The following CCDC97 variants were observed in gnomAD, a reference collection of about 807,000 sequenced individuals.
The protein encoded by CCDC97 is coiled-coil domain containing 97.
Under a neutral mutation model 33.9 loss-of-function variants are expected in CCDC97, and 27 were observed. The ratio of observed to expected loss-of-function variants is 0.80; its 90% CI spans 0.59 to 1.10. CCDC97 has a LOEUF of 1.10. Among genes scored for constraint, CCDC97 ranks in the 50% least tolerant of loss-of-function variants. The pLI, the probability that CCDC97 is intolerant of heterozygous loss-of-function variation, is 0.00. For missense variants in CCDC97, 422 were observed against 476.6 expected, an observed-to-expected ratio of 0.89 and a Z score of 1.07; for synonymous variants, 217 against 194.0, an observed-to-expected ratio of 1.12 and a Z score of -0.99.
chr19:41,319,969 C>G lies in CCDC97; in HGVS notation c.781+117C>G, dbSNP rs1312812996. The stretch of plus-strand genomic sequence containing the variant: ...ACCTGCAAAAGCCGACATTGCGTCC[C>G]TCCCCTGCCCAGCCTGACTCTCTGT... On this transcript the variant is annotated intron_variant, in intron 3 of 4. Transcript: ENST00000269967. The G allele has an allele frequency of 4.9e-6, 3 of 617,822 alleles. No homozygotes were observed. The African/African-American group carries it at 5.5e-5, about 11-fold the overall frequency. The allele number at this position is 617,822 out of a possible 1,614,324, so 38.3% of individuals were successfully genotyped here.
In CCDC97 at chr19:41,322,863, A is replaced by C; in HGVS notation, c.*148A>C. The C allele has an allele frequency of 3.5e-4, 287 of 816,696 alleles. No individual in the cohort carries two copies. The highest frequency in any genetic ancestry group is 4.0e-4 in the East Asian group (13 of 32,156). The allele number at this position is 816,696 out of a possible 1,614,324, so 50.6% of individuals were successfully genotyped here. A position where few individuals can be genotyped will look rare whatever the true frequency, so the allele number is the denominator to read the frequency against. On this transcript the variant is annotated 3_prime_UTR_variant, in exon 5 of 5. Coordinates refer to ENST00000269967, the MANE Select transcript of CCDC97 (RefSeq NM_052848.3). ...CCACCATCTCACTGGGTCTAGTCTC[A>C]TCTCAGACAACCCCCACCCCCACTG...
intron 1 of CCDC97, 131 bp from the exon 2 acceptor site, chr19:41,316,253 G>T: frequency 1.5e-6 from 1 of 665,464 alleles, no homozygotes; most frequent in Middle Eastern, 2.6e-4. Flanking sequence ...GCTCACTGTG[G>T]TTTCTCTAGT....
intron 2 of CCDC97, among the ~76,000 whole-genome samples, chr19:41,319,047 A>G: frequency 6.6e-6 from 1 of 152,220 alleles, no homozygotes; most frequent in Non-Finnish European, 1.5e-5. Flanking sequence ...GCTGGGCCTC[A>G]CAGGACATGT....
In CCDC97 at chr19:41,316,238, C is replaced by A. The variant is rs1172473707; in HGVS notation, c.47-146C>A. On this transcript the variant is annotated intron_variant, in intron 1 of 4. Coordinates refer to ENST00000269967, the MANE Select transcript of CCDC97 (RefSeq NM_052848.3). ...TTTGTGTCCCCTACTGAAATGTCAA[C>A]TTTTGCTCACTGTGGTTTCTCTAGT... 10 of 616,476 alleles carry A rather than the reference C, an allele frequency of 1.6e-5. No individual in the cohort carries two copies. The African/African-American group carries it at 1.7e-4, about 10-fold the overall frequency. The allele number at this position is 616,476 out of a possible 1,614,324, so 38.2% of individuals were successfully genotyped here.
intron 4 of CCDC97, among the ~76,000 whole-genome samples, chr19:41,321,989 C>T (rs577872122): frequency 2.6e-5 from 4 of 152,338 alleles, no homozygotes; most frequent in African/African-American, 7.2e-5. Context: ...GTCAAAATGC[C>T]GTGGGGGCAA....
At position 41,320,479 on chromosome 19, in the gene CCDC97, G is replaced by A. The variant is rs573562721; in HGVS notation, c.911+9G>A. The A allele has an allele frequency of 6.2e-6, 10 of 1,613,542 alleles. No homozygotes were observed. The highest frequency in any genetic ancestry group is 8.5e-6 in the Non-Finnish European group (10 of 1,179,824). The stretch of plus-strand genomic sequence containing the variant: ...GGGGACTTTGACTACAGGTGCTCCT[G>A]TGCCTCCACCTCCCCATCCCCCAGC... On this transcript the variant is annotated intron_variant, in intron 4 of 4. Transcript: ENST00000269967.
chr19:41,319,695 C>G lies in CCDC97; in HGVS notation c.624C>G (p.Pro208=), dbSNP rs374433360. The G allele has an allele frequency of 1.9e-6, 3 of 1,613,892 alleles. No individual in the cohort carries two copies. The highest frequency in any genetic ancestry group is 2.5e-6 in the Non-Finnish European group (3 of 1,179,886). The change falls in exon 3 of 5, where the codon CCC becomes CCG. Residue 208 remains proline, a synonymous_variant. Coordinates refer to ENST00000269967, the MANE Select transcript of CCDC97 (RefSeq NM_052848.3). Reference sequence around the variant, plus strand: ...CCCGCACCCCAACCCACCAGCCCCCCAAGCCCGGGTCCCCCGGGAGACCTG... The same window carrying G: ...CCCGCACCCCAACCCACCAGCCCCCGAAGCCCGGGTCCCCCGGGAGACCTG... The part of the protein sequence containing the change: ...LSARTPTHQP[P]KPGSPGRPAC...
At chr19:41,314,500 A>G (rs2037722302) in intron 1 of CCDC97, among the ~76,000 whole-genome samples, 1 of 152,260 alleles carries the variant, frequency 6.6e-6, no homozygotes, top group Admixed American at 6.5e-5. Context: ...GAGAGAGTGA[A>G]TGAATGAGTA....
rs757674226 is a variant in CCDC97, at chr19:41,316,729, G to GT, written c.393dup (p.Ala132CysfsTer7). On this transcript the variant is annotated frameshift_variant, in exon 2 of 5. Transcript: ENST00000269967. LOFTEE classifies it high-confidence loss of function. The stretch of plus-strand genomic sequence containing the variant: ...TTTGGCCACGTGCGTGGCGACCACC[G>GT]TGCAGACTTCTACTGTGCTGAGGTG... The GT allele has an allele frequency of 6.2e-7, 1 of 1,613,572 alleles. No homozygotes were observed. The highest frequency in any genetic ancestry group is 8.5e-7 in the Non-Finnish European group (1 of 1,179,804).
rs1031287902 is a variant in CCDC97, at chr19:41,310,278, C to T, written c.-33C>T. On this transcript the variant is annotated 5_prime_UTR_variant, in exon 1 of 5. Coordinates refer to ENST00000269967, the MANE Select transcript of CCDC97 (RefSeq NM_052848.3). ...GGGCCGGAGGTTAGTGTGCGGGGCC[C>T]GCCGGGCGGTTGAAAAGTCCGAGAG... 1.3e-6 allele frequency: 2 copies of T among 1,581,696 alleles called. No homozygotes were observed. The highest frequency in any genetic ancestry group is 2.3e-5 in the East Asian group (1 of 43,110).
chr19:41,316,634 G>A lies in CCDC97; in HGVS notation c.297G>A (p.Leu99=), dbSNP rs368463774. ...EHEKVAILAQ[L]YHEKPLVFLE... is the part of the protein sequence containing the mutation. ...AGAAAGTGGCCATCCTGGCCCAGCT[G>A]TACCACGAGAAGCCACTGGTGTTCC... The change falls in exon 2 of 5, where the codon CTG becomes CTA. Residue 99 remains leucine (L), a synonymous_variant. Transcript: ENST00000269967. 24 of 1,614,084 alleles carry A rather than the reference G, an allele frequency of 1.5e-5. No individual in the cohort carries two copies. Among genetic ancestry groups the A allele is most frequent in the African/African-American group, 2.7e-5 (2 of 74,944 alleles).
Position 41,316,432 on chromosome 19 carries a change from C to T in CCDC97, c.95C>T (p.Pro32Leu). 1 of 1,614,136 alleles carries T rather than the reference C, an allele frequency of 6.2e-7. No homozygotes were observed. The highest frequency in any genetic ancestry group is 8.5e-7 in the Non-Finnish European group (1 of 1,179,986). ...CACTGGGGTGAGCTGAGCCGGACAC[C>T]AGTCCCATCTAAACCCCAGGACAAA... is the stretch of plus-strand genomic sequence containing the variant. ...PGHWGELSRT[P>L]VPSKPQDKVE... The change falls in exon 2 of 5, where the codon CCA (proline) becomes CTA (leucine). Residue 32 changes from proline to leucine, a missense_variant. By Grantham distance (98) the Pro-to-Leu change is moderately conservative. Transcript: ENST00000269967.
chr19:41,315,028 G>A (rs903349659), intron 1 of CCDC97, among the ~76,000 whole-genome samples: 5 of 149,216 alleles, frequency 3.4e-5, no homozygotes, highest in South Asian at 2.1e-4. Flanking sequence ...CAGGCCAGGC[G>A]CAGTGGCTCA....
intron 1 of CCDC97, among the ~76,000 whole-genome samples, chr19:41,314,991 T>C (rs1162839715): frequency 6.6e-6 from 1 of 151,818 alleles, no homozygotes; most frequent in African/African-American, 2.4e-5. Context: ...TTTTTTTTTT[T>C]TTTTTAATTT....
chr19:41,319,505 C>A, intron 2 of CCDC97, 69 bp from the exon 3 acceptor site: 1 of 1,124,158 alleles, frequency 8.9e-7, no homozygotes, highest in Non-Finnish European at 1.3e-6. Flanking sequence ...CATGATCACA[C>A]ACATACCCAC....
intron 1 of CCDC97, among the ~76,000 whole-genome samples, chr19:41,314,302 A>G (rs940680083): frequency 9.2e-5 from 14 of 151,922 alleles, no homozygotes; most frequent in Admixed American, 8.5e-4. Flanking sequence ...ATGTGCCACA[A>G]TGGCTGATTT....
chr19:41,314,119 G>A (rs2123053645), intron 1 of CCDC97, among the ~76,000 whole-genome samples: 1 of 151,860 alleles, frequency 6.6e-6, no homozygotes, highest in African/African-American at 2.4e-5. Context: ...AGCATTGCCT[G>A]ACTTAGGGCC....
chr19:41,315,501 G>C (rs2037735223), intron 1 of CCDC97, among the ~76,000 whole-genome samples: 1 of 151,584 alleles, frequency 6.6e-6, no homozygotes, highest in Non-Finnish European at 1.5e-5. Context: ...AGCTAGTTGG[G>C]AGGCTGAGGC....
At position 41,316,172 on chromosome 19, in the gene CCDC97, CACCT is replaced by C. The variant is rs1443643092; in HGVS notation, c.47-210_47-207del. ...TATTTTTCCGCATAACTCCAGGAAA[CACCT>C]AACACATTATGTTTTCGGTAATTAT... On this transcript the variant is annotated intron_variant, in intron 1 of 4. Coordinates refer to ENST00000269967, the MANE Select transcript of CCDC97 (RefSeq NM_052848.3). Among the ~76,000 whole-genome samples the C allele has an allele frequency of 2.6e-5, 4 of 152,324 alleles. No individual in the cohort carries two copies. In the East Asian group the frequency reaches 7.7e-4, roughly 29 times the overall value.
Sources: gnomAD v4.1 joint callset for allele counts (sites outside exome capture counted in the v4.1 genomes callset) on GRCh38, gnomAD v4.1.1 for gene constraint, MANE v1.5 for transcripts, NCBI Gene and HGNC (gene_info 2026-07-23, HGNC 2026-07-21) for gene names.